Variants in MCC observed in about 807,000 individuals in gnomAD.
MCC encodes the protein MCC regulator of Wnt signaling pathway.
In MCC, 90 loss-of-function variants were observed where a neutral mutation model predicts 116.2. The observed-to-expected ratio is 0.77, with a 90% CI of 0.65 to 0.92. MCC has a LOEUF of 0.92. Among genes scored for constraint, MCC ranks in the 40% least tolerant of loss-of-function variants. The pLI is 0.00. For synonymous variants in MCC, 578 were observed against 510.5 expected, an observed-to-expected ratio of 1.13 and a Z score of -1.78; for missense variants, 1,516 against 1,312.2, an observed-to-expected ratio of 1.16 and a Z score of -2.40.
chr5:113,246,549 T>C (rs1764583570), intron 3 of MCC, among the ~76,000 whole-genome samples: 1 of 152,190 alleles, frequency 6.6e-6, no homozygotes, highest in East Asian at 1.9e-4. Flanking sequence ...CTTTGGTGAA[T>C]GCTGGAGGAA....
intron 5 of MCC, among the ~76,000 whole-genome samples, chr5:113,142,109 AT>A (rs1759212187): frequency 6.6e-6 from 1 of 152,142 alleles, no homozygotes; most frequent in African/African-American, 2.4e-5. Flanking sequence ...CTTTTCCACA[AT>A]TTTGCCCAGA....
In MCC at chr5:113,252,876, C is replaced by G. The variant is rs558089293; in HGVS notation, c.627+87643G>C. ...TTTTTCTTAAATGTATATGTCATAA[C>G]CTCTCTGCAAATATGCAGGAAACTG... On this transcript the variant is annotated intron_variant, in intron 3 of 18. Coordinates refer to ENST00000408903, the MANE Select transcript of MCC (RefSeq NM_001085377.2). 2.6e-5 allele frequency among the ~76,000 whole-genome samples: 4 copies of G among 152,316 alleles called. No individual in the cohort carries two copies. In the South Asian group the frequency reaches 8.3e-4, roughly 32 times the overall value.
intron 5 of MCC, among the ~76,000 whole-genome samples, chr5:113,136,184 T>C (rs974162295): frequency 3.9e-5 from 6 of 152,198 alleles, no homozygotes; most frequent in Non-Finnish European, 7.3e-5. Flanking sequence ...CAGGCTACAG[T>C]TGATATTTAC....
At chr5:113,355,185 G>C (rs1707669424) in intron 2 of MCC, among the ~76,000 whole-genome samples, 2 of 152,178 alleles carry the variant, frequency 1.3e-5, no homozygotes, top group African/African-American at 2.4e-5. Context: ...TCCAGAGAAA[G>C]ATCAGGTGGG....
At chr5:113,128,883 G>T (rs531984836) in intron 5 of MCC, among the ~76,000 whole-genome samples, 96 of 152,322 alleles carry the variant, frequency 6.3e-4, no homozygotes, top group African/African-American at 2.3e-3. Flanking sequence ...ACATGAAGAT[G>T]AACAGATGCC....
At chr5:113,104,040 C>G (rs1756585071) in intron 7 of MCC, 152 bp downstream of exon 7, 4 of 697,260 alleles carry the variant, frequency 5.7e-6, no homozygotes, top group Non-Finnish European at 6.3e-6. Context: ...TCTAGAGCCC[C>G]CGCTTCTACA....
At chr5:113,155,273 T>C (rs1240606444) in intron 3 of MCC, among the ~76,000 whole-genome samples, 1 of 152,228 alleles carries the variant, frequency 6.6e-6, no homozygotes, top group African/African-American at 2.4e-5. Context: ...ACTCTGTATA[T>C]CCATTCATCT....
intron 2 of MCC, among the ~76,000 whole-genome samples, chr5:113,384,165 C>A (rs1418304207): frequency 6.6e-6 from 1 of 152,194 alleles, no homozygotes; most frequent in Non-Finnish European, 1.5e-5. Context: ...GTTCCCATCA[C>A]CCAATTTCAA....
chr5:113,381,554 G>A (rs1423682003), intron 2 of MCC, among the ~76,000 whole-genome samples: 1 of 152,120 alleles, frequency 6.6e-6, no homozygotes, highest in Non-Finnish European at 1.5e-5. Flanking sequence ...CTGGGAGGCT[G>A]AGGCAGGAAG....
At chr5:113,167,855 C>A (rs959025771) in intron 3 of MCC, among the ~76,000 whole-genome samples, 35 of 152,226 alleles carry the variant, frequency 2.3e-4, no homozygotes, top group African/African-American at 7.9e-4. Flanking sequence ...GTCCTGAACT[C>A]CTAGGCTTAA....
intron 1 of MCC, among the ~76,000 whole-genome samples, chr5:113,469,646 G>T (rs1193584253): frequency 6.6e-6 from 1 of 152,168 alleles, no homozygotes; most frequent in East Asian, 1.9e-4. Flanking sequence ...GTGCTGAAAA[G>T]AATGTATATT....
chr5:113,134,389 G>T (rs1446493816), intron 5 of MCC, among the ~76,000 whole-genome samples: 5 of 152,046 alleles, frequency 3.3e-5, no homozygotes, highest in Non-Finnish European at 7.4e-5. Context: ...TAGATGAGTA[G>T]ATTTATTTCT....
chr5:113,060,959 G>A (rs1267490366), intron 14 of MCC, among the ~76,000 whole-genome samples: 1 of 152,222 alleles, frequency 6.6e-6, no homozygotes, highest in Non-Finnish European at 1.5e-5. Flanking sequence ...ACTGATGCCT[G>A]TTCTAACTAG....
At chr5:113,065,378 AT>A (rs1193218881) in intron 13 of MCC, among the ~76,000 whole-genome samples, 1 of 152,238 alleles carries the variant, frequency 6.6e-6, no homozygotes, top group Non-Finnish European at 1.5e-5. Flanking sequence ...CCTTAAAAAA[AT>A]AAAACAAAAC....
At chr5:113,102,209 G>T (rs557171147) in intron 7 of MCC, among the ~76,000 whole-genome samples, 48 of 152,334 alleles carry the variant, frequency 3.2e-4, no homozygotes, top group African/African-American at 1.2e-3. Flanking sequence ...CCTGGCAGCT[G>T]AGTCTGTCTG....
At chr5:113,466,680 A>G (rs1464612277) in intron 1 of MCC, among the ~76,000 whole-genome samples, 1 of 152,074 alleles carries the variant, frequency 6.6e-6, no homozygotes, top group Non-Finnish European at 1.5e-5. Context: ...ATGATTTATA[A>G]TCCTTTGGGT....
At chr5:113,351,114 G>C (rs901769072) in intron 2 of MCC, among the ~76,000 whole-genome samples, 3 of 152,014 alleles carry the variant, frequency 2.0e-5, no homozygotes, top group Non-Finnish European at 2.9e-5. Flanking sequence ...AACCACTATG[G>C]AGAACCATTT....
intron 3 of MCC, among the ~76,000 whole-genome samples, chr5:113,274,526 A>C (rs1171598824): frequency 6.6e-6 from 1 of 151,968 alleles, no homozygotes. Context: ...CACCCGGCTA[A>C]TTTTTGTATT....
chr5:113,329,356 G>C (rs1581403167), intron 3 of MCC, among the ~76,000 whole-genome samples: 3 of 151,392 alleles, frequency 2.0e-5, no homozygotes, highest in Middle Eastern at 6.8e-3. Context: ...GGGCCTAAGA[G>C]TAAAGATGGT....
Sources: gnomAD v4.1 joint callset for allele counts (sites outside exome capture counted in the v4.1 genomes callset) on GRCh38, gnomAD v4.1.1 for gene constraint, MANE v1.5 for transcripts, NCBI Gene and HGNC (gene_info 2026-07-23, HGNC 2026-07-21) for gene names.